Variants in BOLL observed in about 807,000 individuals in gnomAD.
BOLL encodes the protein boule RNA binding protein, also known as protein boule-like.
In BOLL, 23 loss-of-function variants were observed where a neutral mutation model predicts 44.4. The ratio of observed to expected loss-of-function variants is 0.52; its 90% CI spans 0.37 to 0.73. The LOEUF (loss-of-function observed/expected upper bound fraction) is 0.73. BOLL is among the 30% of genes least tolerant of loss of function. BOLL has a pLI of 0.00. For missense variants in BOLL, 287 were observed against 338.3 expected (o/e 0.85, Z 1.19); for synonymous variants, 97 against 110.8 (o/e 0.88, Z 0.78).
At chr2:197,747,576 C>T (rs529187986) in intron 9 of BOLL, among the ~76,000 whole-genome samples, 71 of 77,696 alleles carry the variant, frequency 9.1e-4, no homozygotes, top group African/African-American at 3.9e-3. Flanking sequence ...GAGCGAGACT[C>T]GGGCTCAAAA....
At chr2:197,739,179 C>T (rs1414122048) in intron 10 of BOLL, among the ~76,000 whole-genome samples, 1 of 152,144 alleles carries the variant, frequency 6.6e-6, no homozygotes, top group Non-Finnish European at 1.5e-5. Flanking sequence ...CAAAATTCTA[C>T]ATAACTATCT....
At chr2:197,744,053 C>T (rs1171696361) in intron 9 of BOLL, among the ~76,000 whole-genome samples, 1 of 152,228 alleles carries the variant, frequency 6.6e-6, no homozygotes. Flanking sequence ...TCGGGATCCA[C>T]CCGCCTCGGC....
intron 10 of BOLL, among the ~76,000 whole-genome samples, chr2:197,733,543 G>A (rs1433687280): frequency 1.2e-4 from 18 of 151,936 alleles, no homozygotes; most frequent in African/African-American, 3.4e-4. Context: ...GAGGCATCAC[G>A]CTACCTGACT....
chr2:197,776,088 G>C (rs1302547015), intron 4 of BOLL, among the ~76,000 whole-genome samples: 1 of 151,700 alleles, frequency 6.6e-6, no homozygotes, highest in African/African-American at 2.4e-5. Context: ...TGAGTAGCCT[G>C]ATGCGCATGC....
intron 6 of BOLL, among the ~76,000 whole-genome samples, chr2:197,769,449 A>C (rs1689138191): frequency 6.6e-6 from 1 of 151,798 alleles, no homozygotes; most frequent in Admixed American, 6.6e-5. Flanking sequence ...TTATTGGCGT[A>C]GAGCCCTCTC....
At chr2:197,765,001 TA>T (rs1688928929) in intron 7 of BOLL, among the ~76,000 whole-genome samples, 1 of 151,616 alleles carries the variant, frequency 6.6e-6, no homozygotes, top group East Asian at 1.9e-4. Context: ...AAAAGAATAC[TA>T]GGGGCTGAGA....
intron 9 of BOLL, among the ~76,000 whole-genome samples, chr2:197,754,072 T>C (rs958312502): frequency 1.3e-5 from 2 of 151,910 alleles, no homozygotes; most frequent in Admixed American, 1.3e-4. Flanking sequence ...CACTCATAAG[T>C]GGGAGTTGAA....
chr2:197,781,629 A>C (rs1689787476), intron 2 of BOLL, 93 bp downstream of exon 2: 3 of 1,187,822 alleles, frequency 2.5e-6, no homozygotes, highest in Non-Finnish European at 3.4e-6. Context: ...CATTATGCAA[A>C]TATGTTATTT....
chr2:197,784,409 T>C (rs1458039043), intron 1 of BOLL, among the ~76,000 whole-genome samples: 25 of 48,410 alleles, frequency 5.2e-4, no homozygotes, highest in South Asian at 1.2e-3. Flanking sequence ...TATATATATA[T>C]ATATATATAT....
chr2:197,766,613 G>A lies in BOLL; in HGVS notation c.481-10C>T, dbSNP rs758231648. ...TACATACAGAACGTGACTATAAAAG[G>A]ATGGAAAAAGAAAAATTAGGCAGAA... On this transcript the variant is annotated splice_polypyrimidine_tract_variant and intron_variant, in intron 6 of 10. Coordinates refer to ENST00000392296, the MANE Select transcript of BOLL (RefSeq NM_033030.6). The A allele has an allele frequency of 1.1e-5, 17 of 1,602,402 alleles. No individual in the cohort carries two copies. The highest frequency in any genetic ancestry group is 2.7e-5 in the African/African-American group (2 of 74,556).
rs1008803488 is a variant in BOLL at position 197,727,619 on chromosome 2, A to C, written c.*936T>G. On this transcript the variant is annotated 3_prime_UTR_variant, in exon 11 of 11. Coordinates refer to ENST00000392296, the MANE Select transcript of BOLL (RefSeq NM_033030.6). ...TTTTATGAAAACAATTGTCCTTTTA[A>C]AAATTAATCACATATATAATTGAAT... 1.3e-5 allele frequency: 2 copies of C among 152,318 alleles called. No homozygotes were observed. Among genetic ancestry groups the C allele is most frequent in the Non-Finnish European group, 2.9e-5 (2 of 68,030 alleles). The allele number at this position is 152,318 out of a possible 1,614,324, so 9.4% of individuals were successfully genotyped here.
intron 6 of BOLL, among the ~76,000 whole-genome samples, chr2:197,770,964 GA>G (rs1396412854): frequency 1.3e-5 from 2 of 152,114 alleles, no homozygotes; most frequent in Non-Finnish European, 2.9e-5. Flanking sequence ...TCTAGAACTA[GA>G]AATACCATTT....
At chr2:197,759,956 TCCC>T (rs1258432839) in intron 7 of BOLL, among the ~76,000 whole-genome samples, 1 of 152,036 alleles carries the variant, frequency 6.6e-6, no homozygotes, top group East Asian at 1.9e-4. Context: ...GGCAGAAATG[TCCC>T]CAGGGGAGTG....
chr2:197,784,945 T>G, intron 1 of BOLL, 111 bp downstream of exon 1: 1 of 986,054 alleles, frequency 1.0e-6, no homozygotes, highest in Non-Finnish European at 1.2e-6. Context: ...GAGAGTTTAT[T>G]AAACTACTCC....
chr2:197,754,778 C>T (rs1272986648), intron 9 of BOLL, among the ~76,000 whole-genome samples: 1 of 150,960 alleles, frequency 6.6e-6, no homozygotes, highest in Non-Finnish European at 1.5e-5. Flanking sequence ...CACACACACA[C>T]ACACACACAA....
At position 197,785,022 on chromosome 2, in the gene BOLL, T is replaced by A; in HGVS notation, c.-16+34A>T. 1.0e-6 allele frequency: 1 copy of A among 986,006 alleles called. No individual in the cohort carries two copies. Among genetic ancestry groups the A allele is most frequent in the Non-Finnish European group, 1.2e-6 (1 of 829,960 alleles). 61.1% of individuals were successfully genotyped at this position (986,006 alleles called of 1,614,324 possible). On this transcript the variant is annotated intron_variant, in intron 1 of 10. Transcript: ENST00000392296. This position sits in a 1 kb window ranked among gnomAD's most constrained non-coding sequence, Gnocchi z 6.7. Reference sequence around the variant, plus strand: ...CAACCTCGAGATCTAGCATCTATTTTGCAAACGAAGACAGCAGGAACGGGC... The same window carrying A: ...CAACCTCGAGATCTAGCATCTATTTAGCAAACGAAGACAGCAGGAACGGGC...
intron 6 of BOLL, among the ~76,000 whole-genome samples, chr2:197,767,819 G>A (rs1209295374): frequency 1.3e-5 from 2 of 152,010 alleles, no homozygotes; most frequent in Admixed American, 6.6e-5. Flanking sequence ...CAAAGTATGC[G>A]TGTGTGTGTC....
chr2:197,771,353 G>T (rs1205916364), intron 6 of BOLL, among the ~76,000 whole-genome samples: 1 of 116,340 alleles, frequency 8.6e-6, no homozygotes, highest in Non-Finnish European at 1.7e-5. Flanking sequence ...GTTGTGGGGT[G>T]GGGGGAGGGG....
chr2:197,775,815 TAGAA>T (rs1233718135), intron 4 of BOLL, 75 bp from the exon 5 acceptor site: 3 of 869,240 alleles, frequency 3.5e-6, no homozygotes, highest in Middle Eastern at 3.7e-4. Context: ...AAAAACTAGT[TAGAA>T]AGAATTTCAA....
Sources: gnomAD v4.1 joint callset for allele counts (sites outside exome capture counted in the v4.1 genomes callset) on GRCh38, gnomAD v4.1.1 for gene constraint, Gnocchi (gnomAD v3.1) non-coding constraint, MANE v1.5 for transcripts, NCBI Gene and HGNC (gene_info 2026-07-23, HGNC 2026-07-21) for gene names.